The following PDE1C variants were observed in gnomAD, a reference collection of about 807,000 sequenced individuals.
PDE1C encodes the protein phosphodiesterase 1C, also known as dual specificity calcium/calmodulin-dependent 3',5'-cyclic nucleotide phosphodiesterase 1C.
PDE1C carries 62 observed loss-of-function variants against 93.1 expected under a neutral mutation model. That is an observed-to-expected ratio of 0.67 (90% CI 0.54 to 0.82). PDE1C has a LOEUF of 0.82. PDE1C is among the 40% of genes least tolerant of loss of function. The pLI is 0.00. For synonymous variants in PDE1C, 325 were observed against 310.1 expected, an observed-to-expected ratio of 1.05 and a Z score of -0.50; for missense variants, 742 against 884.6, an observed-to-expected ratio of 0.84 and a Z score of 2.04.
chr7:32,109,014 A>G (rs996082046), intron 3 of PDE1C, among the ~76,000 whole-genome samples: 1 of 152,200 alleles, frequency 6.6e-6, no homozygotes, highest in Non-Finnish European at 1.5e-5. Context: ...CCAAAAGAAC[A>G]TGCATAAAAT....
At chr7:32,353,388 AGGTGTTTGT>A (rs1783967288) in intron 1 of PDE1C, among the ~76,000 whole-genome samples, 1 of 16,170 alleles carries the variant, frequency 6.2e-5, no homozygotes, top group Non-Finnish European at 3.4e-4. Context: ...ATTTGCGTAG[AGGTGTTTGT>A]AGTATTCTCT....
chr7:32,168,825 T>C (rs1044933919), intron 3 of PDE1C, among the ~76,000 whole-genome samples: 3 of 152,170 alleles, frequency 2.0e-5, no homozygotes, highest in Non-Finnish European at 2.9e-5. Flanking sequence ...ATGAAATGGC[T>C]CTCACTGAGC....
intron 11 of PDE1C, among the ~76,000 whole-genome samples, chr7:31,834,845 T>C (rs1790858822): frequency 6.6e-6 from 1 of 151,814 alleles, no homozygotes; most frequent in Admixed American, 6.6e-5. Context: ...GAATACGAGA[T>C]TTGGGAGGGG....
chr7:31,810,439 T>A (rs1310721065), intron 15 of PDE1C, among the ~76,000 whole-genome samples: 1 of 152,110 alleles, frequency 6.6e-6, no homozygotes, highest in Non-Finnish European at 1.5e-5. Flanking sequence ...TTTGCATGCA[T>A]CATTTTATTA....
At chr7:32,325,960 G>A (rs1200884107) in intron 1 of PDE1C, among the ~76,000 whole-genome samples, 2 of 152,162 alleles carry the variant, frequency 1.3e-5, no homozygotes, top group Admixed American at 1.3e-4. Context: ...TTGGATCAGG[G>A]TGGAGAAGTG....
At chr7:31,698,376 C>T in the PDE1C span, among the ~76,000 whole-genome samples, 1 of 152,128 alleles carries the variant, frequency 6.6e-6, no homozygotes, top group African/African-American at 2.4e-5. Context: ...TTCCAATTAC[C>T]TCTATCTATC....
At chr7:31,920,560 T>TA (rs11387807) in intron 2 of PDE1C, among the ~76,000 whole-genome samples, 4,943 of 152,196 alleles carry the variant, frequency 0.032, 263 homozygotes, top group African/African-American at 0.11. Context: ...GTCTTTTTTT[T>TA]ATCACCATTT....
intron 16 of PDE1C, among the ~76,000 whole-genome samples, chr7:31,776,219 T>C (rs1316807986): frequency 6.6e-6 from 1 of 152,184 alleles, no homozygotes; most frequent in East Asian, 1.9e-4. Context: ...TTACTTGCTA[T>C]TGGAACTCAA....
At chr7:32,068,796 G>T (rs1172405272) in intron 1 of PDE1C, among the ~76,000 whole-genome samples, 1 of 152,212 alleles carries the variant, frequency 6.6e-6, no homozygotes, top group Non-Finnish European at 1.5e-5. Context: ...GTATGGATAT[G>T]AATCCCTCTA....
At chr7:32,286,871 T>C (rs1396862202) in intron 1 of PDE1C, among the ~76,000 whole-genome samples, 1 of 152,162 alleles carries the variant, frequency 6.6e-6, no homozygotes, top group African/African-American at 2.4e-5. Context: ...TATAGGCAAA[T>C]AAAATTAATA....
At position 32,217,378 on chromosome 7, in the gene PDE1C, C is replaced by G. The variant is rs150110212; in HGVS notation, c.86-7839G>C. ...CATCCATTCCTTCCAGCTCTGAGTC[C>G]AGCATTCTCAGAGAAGGGATGTGCC... On this transcript the variant is annotated intron_variant, in intron 1 of 18. Transcript: ENST00000396193. Among the ~76,000 whole-genome samples the G allele has an allele frequency of 9.2e-5, 14 of 152,256 alleles. 1 individual carries two copies. Among genetic ancestry groups the G allele is most frequent in the Admixed American group, 2.6e-4 (4 of 15,292 alleles).
chr7:32,298,983 G>A, exon 1 of PDE1C: 2 of 1,282,264 alleles, frequency 1.6e-6, no homozygotes, highest in East Asian at 3.5e-5. Flanking sequence ...TCTCCAAGCC[G>A]AGTTCCAGAG....
In PDE1C at chr7:31,753,569, A is replaced by C. The variant is rs1347119079; in HGVS notation, c.1961-16T>G. On this transcript the variant is annotated splice_polypyrimidine_tract_variant and intron_variant, in intron 17 of 17. Coordinates refer to ENST00000396191, the MANE Select transcript of PDE1C (RefSeq NM_001191057.4). ...GGCTTGATGACTGGCGGCCATGGAAAGGAAGACAGACAACGGTTAGCCTCA... is the reference window on the plus strand; with the variant it reads ...GGCTTGATGACTGGCGGCCATGGAACGGAAGACAGACAACGGTTAGCCTCA... 6.2e-7 allele frequency: 1 copy of C among 1,606,062 alleles called. No homozygotes were observed. The highest frequency in any genetic ancestry group is 1.3e-5 in the African/African-American group (1 of 74,778).
At chr7:31,906,272 T>C (rs965494327) in intron 2 of PDE1C, among the ~76,000 whole-genome samples, 3 of 152,204 alleles carry the variant, frequency 2.0e-5, no homozygotes, top group Non-Finnish European at 4.4e-5. Context: ...ATCATGCTTC[T>C]AGTTTCTCCA....
At chr7:32,289,305 C>G (rs1303206643) in intron 1 of PDE1C, among the ~76,000 whole-genome samples, 3 of 152,034 alleles carry the variant, frequency 2.0e-5, no homozygotes, top group African/African-American at 7.2e-5. Context: ...TACTCAGAGG[C>G]AGGCTGAGGC....
intron 2 of PDE1C, among the ~76,000 whole-genome samples, chr7:32,205,255 C>T (rs1045095985): frequency 1.3e-5 from 2 of 152,146 alleles, no homozygotes; most frequent in African/African-American, 4.8e-5. Flanking sequence ...GTTCAGTGAC[C>T]ACGTCACATG....
intron 1 of PDE1C, among the ~76,000 whole-genome samples, chr7:32,259,782 A>T (rs534353548): frequency 6.6e-6 from 1 of 152,296 alleles, no homozygotes; most frequent in South Asian, 2.1e-4. Flanking sequence ...GAGTAAGAGA[A>T]CACTGCCCAC....
chr7:31,854,794 A>T (rs12701150), intron 7 of PDE1C, among the ~76,000 whole-genome samples: 2 of 151,986 alleles, frequency 1.3e-5, no homozygotes, highest in Non-Finnish European at 2.9e-5. Context: ...GGGCCTGGCG[A>T]GGTGCCTCAT....
chr7:32,078,935 A>AC, intron 3 of PDE1C, among the ~76,000 whole-genome samples: 1 of 152,004 alleles, frequency 6.6e-6, no homozygotes, highest in East Asian at 1.9e-4. Flanking sequence ...CTCAAAAAAA[A>AC]AAAAAAGAAA....
Sources: allele counts gnomAD v4.1 joint callset (sites outside exome capture counted in the v4.1 genomes callset), GRCh38; gene constraint gnomAD v4.1.1; transcripts MANE v1.5; gene names NCBI Gene and HGNC (gene_info 2026-07-23, HGNC 2026-07-21).